Variants in FSTL4 observed in about 807,000 individuals in gnomAD.
FSTL4 encodes the protein follistatin like 4.
Under a neutral mutation model 78.2 loss-of-function variants are expected in FSTL4, and 28 were observed. That is an observed-to-expected ratio of 0.36 (90% CI 0.27 to 0.49). FSTL4 has a LOEUF of 0.49. Among genes scored for constraint, FSTL4 ranks in the 20% least tolerant of loss-of-function variants. The pLI, the probability that FSTL4 is intolerant of heterozygous loss-of-function variation, is 0.98. For synonymous variants in FSTL4, 422 were observed against 440.5 expected, an observed-to-expected ratio of 0.96 and a Z score of 0.53; for missense variants, 922 against 1,084.9, an observed-to-expected ratio of 0.85 and a Z score of 2.11.
intron 3 of FSTL4, among the ~76,000 whole-genome samples, chr5:133,437,340 T>C (rs1158839397): frequency 6.6e-6 from 1 of 152,140 alleles, no homozygotes; most frequent in African/African-American, 2.4e-5. Flanking sequence ...ATTTCAACCT[T>C]TGGGCATGGT....
intron 3 of FSTL4, among the ~76,000 whole-genome samples, chr5:133,452,813 G>C (rs760947669): frequency 5.9e-5 from 9 of 152,366 alleles, no homozygotes; most frequent in African/African-American, 2.2e-4. Flanking sequence ...TCCTGCCAGA[G>C]AGAACACACA....
Position 133,541,614 on chromosome 5 carries a change from C to A in FSTL4, c.160+25572G>T, listed in dbSNP as rs576766268. Reference sequence around the variant, plus strand: ...CTGTTGTGGCTAGCTTTGAAACATACAATATGCCACAAATCCATTAACATG... The same window carrying A: ...CTGTTGTGGCTAGCTTTGAAACATAAAATATGCCACAAATCCATTAACATG... On this transcript the variant is annotated intron_variant, in intron 3 of 15. Transcript: ENST00000265342. 5.6e-4 allele frequency among the ~76,000 whole-genome samples: 86 copies of A among 152,294 alleles called. 1 individual carries two copies. The highest frequency in any genetic ancestry group is 2.1e-3 in the African/African-American group (86 of 41,554).
chr5:133,483,768 G>A (rs1378363012), intron 3 of FSTL4, among the ~76,000 whole-genome samples: 1 of 152,180 alleles, frequency 6.6e-6, no homozygotes, highest in Non-Finnish European at 1.5e-5. Flanking sequence ...GGCAGAACAT[G>A]CTCAGCAGGA....
At chr5:133,479,881 T>C (rs1757994106) in intron 3 of FSTL4, among the ~76,000 whole-genome samples, 1 of 151,988 alleles carries the variant, frequency 6.6e-6, no homozygotes, top group East Asian at 1.9e-4. Context: ...TGAAATACTA[T>C]GTTAATGCCA....
chr5:133,755,124 C>A, the FSTL4 span, among the ~76,000 whole-genome samples: 1 of 152,134 alleles, frequency 6.6e-6, no homozygotes, highest in Non-Finnish European at 1.5e-5. Flanking sequence ...TCCATGGAAA[C>A]TCTCAGATTT....
In FSTL4 at chr5:133,370,492, G is replaced by A. The variant is rs1298889632; in HGVS notation, c.409+30246C>T. Among the ~76,000 whole-genome samples the A allele has an allele frequency of 2.0e-5, 3 of 152,084 alleles. No homozygotes were observed. In the East Asian group the frequency reaches 5.8e-4, roughly 29 times the overall value. On this transcript the variant is annotated intron_variant, in intron 4 of 15. Coordinates refer to ENST00000265342, the MANE Select transcript of FSTL4 (RefSeq NM_015082.2). ...TGGAGGATACCCAAAGTAAGACAGG[G>A]GTCCCAGGCCTGAAGGGAAACAGGA...
chr5:133,659,815 A>G, the FSTL4 span, among the ~76,000 whole-genome samples: 1 of 152,046 alleles, frequency 6.6e-6, no homozygotes, highest in East Asian at 1.9e-4. Flanking sequence ...CCCCCTATCA[A>G]TTTCTTAAGC....
At chr5:133,738,672 T>TG in the FSTL4 span, among the ~76,000 whole-genome samples, 26 of 152,272 alleles carry the variant, frequency 1.7e-4, no homozygotes, top group African/African-American at 5.5e-4. Context: ...TCGTTTATCT[T>TG]GGGGGAGGTA....
At chr5:133,578,043 A>C (rs1476486918) in intron 2 of FSTL4, among the ~76,000 whole-genome samples, 2 of 152,256 alleles carry the variant, frequency 1.3e-5, no homozygotes, top group Admixed American at 6.5e-5. Flanking sequence ...TAAGGAAACC[A>C]GTATTACATG....
chr5:133,695,847 G>A, the FSTL4 span, among the ~76,000 whole-genome samples: 2 of 152,174 alleles, frequency 1.3e-5, no homozygotes, highest in Non-Finnish European at 2.9e-5. Flanking sequence ...AGATGTGAGT[G>A]ACCTCCATGG....
the FSTL4 span, among the ~76,000 whole-genome samples, chr5:133,825,956 G>A: frequency 2.0e-5 from 3 of 152,190 alleles, no homozygotes; most frequent in African/African-American, 7.2e-5. Flanking sequence ...CTTCCTTGAG[G>A]TCGCCTGCCG....
chr5:133,677,029 T>C, the FSTL4 span, among the ~76,000 whole-genome samples: 13 of 152,208 alleles, frequency 8.5e-5, no homozygotes, highest in African/African-American at 3.1e-4. Context: ...AGAAGATGCA[T>C]GTAATAGACG....
rs754576356 is a variant in FSTL4, at chr5:133,405,124, CAGA to C, written c.161-4141_161-4139del. 9.2e-5 allele frequency among the ~76,000 whole-genome samples: 14 copies of C among 152,342 alleles called. No individual in the cohort carries two copies. In the East Asian group the frequency reaches 2.5e-3, roughly 27 times the overall value. Reference sequence around the variant, plus strand: ...GGGAGCTCCCTGCTCCCATCTCAGCCAGATGTTCTGCCTAGGCCTGCTCCTGAA... The same window carrying C: ...GGGAGCTCCCTGCTCCCATCTCAGCCTGTTCTGCCTAGGCCTGCTCCTGAA... On this transcript the variant is annotated intron_variant, in intron 3 of 15. Coordinates refer to ENST00000265342, the MANE Select transcript of FSTL4 (RefSeq NM_015082.2).
intron 6 of FSTL4, among the ~76,000 whole-genome samples, chr5:133,310,120 C>T (rs1273382108): frequency 6.6e-6 from 1 of 152,112 alleles, no homozygotes; most frequent in Non-Finnish European, 1.5e-5. Flanking sequence ...CCATTGATCC[C>T]CATATGCTCC....
intron 6 of FSTL4, among the ~76,000 whole-genome samples, chr5:133,295,870 C>A (rs764930549): frequency 3.3e-5 from 5 of 152,202 alleles, no homozygotes; most frequent in Non-Finnish European, 4.4e-5. Flanking sequence ...GCTCTTAGGG[C>A]TCTGTCTTGG....
intron 12 of FSTL4, among the ~76,000 whole-genome samples, chr5:133,219,557 T>C (rs1254327917): frequency 1.3e-5 from 2 of 152,214 alleles, no homozygotes; most frequent in African/African-American, 2.4e-5. Context: ...GATGCCCCAA[T>C]CTCCTACTCA....
Position 133,375,888 on chromosome 5 carries a change from G to T in FSTL4, c.409+24850C>A, listed in dbSNP as rs115546578. Among the ~76,000 whole-genome samples the T allele has an allele frequency of 4.8e-3, 727 of 152,306 alleles. 6 individuals carry two copies. Among genetic ancestry groups the T allele is most frequent in the African/African-American group, 0.016 (664 of 41,570 alleles). The stretch of plus-strand genomic sequence containing the variant: ...TTTCTGGAAGATCCATGGCCTTAGA[G>T]AGCACACATACTGCTTGCATCAGTT... On this transcript the variant is annotated intron_variant, in intron 4 of 15. Transcript: ENST00000265342.
chr5:133,309,858 A>G (rs746885492), intron 6 of FSTL4, among the ~76,000 whole-genome samples: 9 of 152,228 alleles, frequency 5.9e-5, no homozygotes, highest in Non-Finnish European at 1.3e-4. Flanking sequence ...ACTAGAAAAT[A>G]AAATGCTAAT....
chr5:133,582,602 G>A (rs1355688916), intron 2 of FSTL4, among the ~76,000 whole-genome samples: 2 of 152,188 alleles, frequency 1.3e-5, no homozygotes, highest in Non-Finnish European at 2.9e-5. Context: ...GGAGACACAG[G>A]TTGGGGGAAA....
Sources: allele counts gnomAD v4.1 joint callset (sites outside exome capture counted in the v4.1 genomes callset), GRCh38; gene constraint gnomAD v4.1.1; transcripts MANE v1.5; gene names NCBI Gene and HGNC (gene_info 2026-07-23, HGNC 2026-07-21).